USP6NL: variants seen among roughly 807,000 people sequenced by gnomAD.
USP6NL encodes USP6 N-terminal-like protein.
A neutral mutation model predicts 61.9 loss-of-function variants in USP6NL; 26 were observed. The observed-to-expected ratio is 0.42, with a 90% CI of 0.31 to 0.58. The LOEUF is 0.58. Among genes scored for constraint, USP6NL ranks in the 20% least tolerant of loss-of-function variants. The probability of loss-of-function intolerance (pLI) is 0.16; values close to 1 mark genes in which losing one functional copy is unlikely to be tolerated. For synonymous variants in USP6NL, 432 were observed against 390.1 expected (o/e 1.11, Z -1.27); for missense variants, 1,114 against 1,034.3 (o/e 1.08, Z -1.06).
intron 10 of USP6NL, among the ~76,000 whole-genome samples, chr10:11,488,654 CTAAG>C (rs1242270892): frequency 2.6e-5 from 4 of 152,120 alleles, no homozygotes; most frequent in Admixed American, 1.3e-4. Flanking sequence ...CTTTAAAAAC[CTAAG>C]TGTCATTTCT....
In USP6NL at chr10:11,585,505, AC is replaced by A. The variant is rs1347349583; in HGVS notation, c.4+12125del. Reference sequence around the variant, plus strand: ...GTGAAACCCCGTGTCTACTAAAAATACAAAAAATTAGCTGGGCGTGGTGGCG... The same window carrying A: ...GTGAAACCCCGTGTCTACTAAAAATAAAAAAATTAGCTGGGCGTGGTGGCG... On this transcript the variant is annotated intron_variant, in intron 2 of 14. Coordinates refer to ENST00000609104, the MANE Select transcript of USP6NL (RefSeq NM_014688.5). This position sits in a 1 kb window ranked among gnomAD's most constrained non-coding sequence, Gnocchi z 4.5. Among the ~76,000 whole-genome samples, 2 of 152,094 alleles carry A rather than the reference AC, an allele frequency of 1.3e-5. No individual in the cohort carries two copies. Among genetic ancestry groups the A allele is most frequent in the Non-Finnish European group, 2.9e-5 (2 of 68,026 alleles).
At chr10:11,579,879 C>CACAGACAATACACACATGAA (rs1837682425) in intron 2 of USP6NL, among the ~76,000 whole-genome samples, 1 of 149,790 alleles carries the variant, frequency 6.7e-6, no homozygotes, top group South Asian at 2.1e-4. Context: ...TTGTACAATA[C>CACAGACAATACACACATGAA]ACAGACAATA....
chr10:11,475,596 CAAAAAA>C (rs35589300), intron 14 of USP6NL, among the ~76,000 whole-genome samples: 19 of 38,708 alleles, frequency 4.9e-4, no homozygotes, highest in African/African-American at 1.6e-3. Flanking sequence ...AACTCTGTCG[CAAAAAA>C]AAAAAAAAAA....
In USP6NL at chr10:11,537,603, C is replaced by CT. The variant is rs971613419; in HGVS notation, c.5-10037dup. ...CACTGTATCATGCTTCAAATTAATA[C>CT]TTTTTTATTTTTTCATTAAATTTGC... On this transcript the variant is annotated intron_variant, in intron 2 of 14. Coordinates refer to ENST00000609104, the MANE Select transcript of USP6NL (RefSeq NM_014688.5). The surrounding 1 kb of genome is among the most constrained non-coding windows in gnomAD (Gnocchi z 5.1). 7.9e-5 allele frequency among the ~76,000 whole-genome samples: 12 copies of CT among 152,156 alleles called. No homozygotes were observed. Among genetic ancestry groups the CT allele is most frequent in the Non-Finnish European group, 1.8e-4 (12 of 68,026 alleles).
rs745357286 is a variant in USP6NL at position 11,463,543 on chromosome 10, C to G, written c.1385G>C (p.Arg462Thr). 5 of 1,614,060 alleles carry G rather than the reference C, an allele frequency of 3.1e-6. No individual in the cohort carries two copies. Among genetic ancestry groups the G allele is most frequent in the Non-Finnish European group, 4.2e-6 (5 of 1,179,898 alleles). Reference sequence around the variant, plus strand: ...GTTGGCAGCTGCGTGATTATATTGCCTGGAACTGTCCTGTGGACCCGATGG... The same window carrying G: ...GTTGGCAGCTGCGTGATTATATTGCGTGGAACTGTCCTGTGGACCCGATGG... Reference protein sequence around the residue: ...KLPSGPQDSSRQYNHAAANQN... With the variant: ...KLPSGPQDSSTQYNHAAANQN... Residue 462 changes from arginine to threonine, a missense_variant, in exon 15 of 15, where the codon AGG becomes ACG. Transcript: ENST00000609104. The surrounding 1 kb of genome is among the most constrained non-coding windows in gnomAD (Gnocchi z 6.3).
chr10:11,486,668 A>G (rs1323182996), intron 10 of USP6NL, among the ~76,000 whole-genome samples: 1 of 152,254 alleles, frequency 6.6e-6, no homozygotes, highest in East Asian at 1.9e-4. Flanking sequence ...TGCAACTCTG[A>G]AAGATGTTAA....
At chr10:11,522,034 C>T (rs1244298789) in intron 4 of USP6NL, among the ~76,000 whole-genome samples, 1 of 152,246 alleles carries the variant, frequency 6.6e-6, no homozygotes, top group Non-Finnish European at 1.5e-5. Context: ...TCATGGCACA[C>T]ACTGGGGAGA....
chr10:11,463,767 G>C lies in USP6NL; in HGVS notation c.1161C>G (p.Asn387Lys), dbSNP rs200104973. Reference sequence around the variant, plus strand: ...TCGGCCGGCCCACGCTCCTCTGTCCGTTGCTCAAGTGATGGACGCCCCAAG... The same window carrying C: ...TCGGCCGGCCCACGCTCCTCTGTCCCTTGCTCAAGTGATGGACGCCCCAAG... ...LQSWGVHHLSNGQRSVGRPSP... is the reference protein window; with the variant it reads ...LQSWGVHHLSKGQRSVGRPSP... Residue 387 changes from asparagine to lysine, a missense_variant, in exon 15 of 15, where the codon AAC becomes AAG. Coordinates refer to ENST00000609104, the MANE Select transcript of USP6NL (RefSeq NM_014688.5). The surrounding 1 kb of genome is among the most constrained non-coding windows in gnomAD (Gnocchi z 6.3). 1 of 1,555,014 alleles carries C rather than the reference G, an allele frequency of 6.4e-7. No homozygotes were observed. Among genetic ancestry groups the C allele is most frequent in the Non-Finnish European group, 8.7e-7 (1 of 1,150,392 alleles).
chr10:11,472,299 G>A (rs988903497), intron 14 of USP6NL, among the ~76,000 whole-genome samples: 12 of 152,176 alleles, frequency 7.9e-5, no homozygotes, highest in African/African-American at 2.9e-4. Context: ...CTTCAGGCTT[G>A]TCCCTGCTTG....
intron 1 of USP6NL, among the ~76,000 whole-genome samples, chr10:11,608,620 G>C (rs192055005): frequency 3.3e-5 from 5 of 152,100 alleles, no homozygotes; most frequent in Non-Finnish European, 7.4e-5. Context: ...TCAAAACCAA[G>C]TTAGGTTCCC....
chr10:11,603,793 C>A (rs560984724), intron 1 of USP6NL, among the ~76,000 whole-genome samples: 1 of 152,142 alleles, frequency 6.6e-6, no homozygotes, highest in Non-Finnish European at 1.5e-5. Context: ...GTGCTAAGGG[C>A]AACCAGAGTG....
Position 11,574,012 on chromosome 10 carries a change from A to G in USP6NL, c.4+23619T>C, listed in dbSNP as rs1837451710. On this transcript the variant is annotated intron_variant, in intron 2 of 14. Transcript: ENST00000609104. The surrounding 1 kb of genome is among the most constrained non-coding windows in gnomAD (Gnocchi z 4.3). The stretch of plus-strand genomic sequence containing the variant: ...TGTGGGTAATCTTCTGTAAATCACT[A>G]AGCAAAGTGAAAACATTTTCTCACA... Among the ~76,000 whole-genome samples the G allele has an allele frequency of 6.6e-6, 1 of 152,240 alleles. No individual in the cohort carries two copies.
At chr10:11,519,307 A>G (rs980475721) in intron 4 of USP6NL, among the ~76,000 whole-genome samples, 2 of 152,190 alleles carry the variant, frequency 1.3e-5, no homozygotes, top group Admixed American at 6.5e-5. Flanking sequence ...AGACTTGTGA[A>G]TTTAAAGAGA....
rs1264306172 is a variant in USP6NL, at chr10:11,481,249, T to C, written c.1078+521A>G. On this transcript the variant is annotated intron_variant, in intron 14 of 14. Coordinates refer to ENST00000609104, the MANE Select transcript of USP6NL (RefSeq NM_014688.5). The surrounding 1 kb of genome is among the most constrained non-coding windows in gnomAD (Gnocchi z 4.4). The stretch of plus-strand genomic sequence containing the variant: ...AAAATATATTATCTATACTGTAGCA[T>C]ACTACAAAGAGCCCTGGGCTAGTAG... Among the ~76,000 whole-genome samples, 1 of 152,232 alleles carries C rather than the reference T, an allele frequency of 6.6e-6. No individual in the cohort carries two copies. The highest frequency in any genetic ancestry group is 2.4e-5 in the African/African-American group (1 of 41,460).
In USP6NL at chr10:11,496,915, A is replaced by C. The variant is rs1833952273; in HGVS notation, c.385-3687T>G. On this transcript the variant is annotated intron_variant, in intron 7 of 14. Coordinates refer to ENST00000609104, the MANE Select transcript of USP6NL (RefSeq NM_014688.5). The surrounding 1 kb of genome is among the most constrained non-coding windows in gnomAD (Gnocchi z 5.4). The stretch of plus-strand genomic sequence containing the variant: ...GGCTTCTGCAGCTTTTTAAAACAGG[A>C]AGAACAGCCACAGTATGTTTCAGAA... Among the ~76,000 whole-genome samples the C allele has an allele frequency of 1.3e-5, 2 of 152,150 alleles. No homozygotes were observed.
chr10:11,498,235 CAAAAAAAAAAAAAA>C (rs11341542), intron 7 of USP6NL, among the ~76,000 whole-genome samples: 4 of 38,808 alleles, frequency 1.0e-4, no homozygotes, highest in Admixed American at 9.6e-4. Context: ...CACTCTGTCT[CAAAAAAAAAAAAAA>C]AAAAAAAAAA....
At chr10:11,471,985 T>A (rs546322341) in intron 14 of USP6NL, among the ~76,000 whole-genome samples, 1 of 150,946 alleles carries the variant, frequency 6.6e-6, no homozygotes, top group Admixed American at 6.6e-5. Flanking sequence ...AAAAAAGACT[T>A]ACTGCCCTAC....
chr10:11,578,109 CAG>C (rs962395480), intron 2 of USP6NL, among the ~76,000 whole-genome samples: 4 of 152,064 alleles, frequency 2.6e-5, no homozygotes, highest in African/African-American at 9.7e-5. Context: ...ACCAGCTACT[CAG>C]GGTGTGCCAC....
At position 11,476,894 on chromosome 10, in the gene USP6NL, C is replaced by T. The variant is rs1368214619; in HGVS notation, c.1078+4876G>A. Among the ~76,000 whole-genome samples, 4 of 152,028 alleles carry T rather than the reference C, an allele frequency of 2.6e-5. No homozygotes were observed. The highest frequency in any genetic ancestry group is 4.4e-5 in the Non-Finnish European group (3 of 68,008). On this transcript the variant is annotated intron_variant, in intron 14 of 14. Coordinates refer to ENST00000609104, the MANE Select transcript of USP6NL (RefSeq NM_014688.5). This position sits in a 1 kb window ranked among gnomAD's most constrained non-coding sequence, Gnocchi z 4.3. ...TTTTATTATTATTATTTTTTCAAGA[C>T]GGAGTCTTGCTCTGTCACCCAGGCT...
Sources: allele counts gnomAD v4.1 joint callset (sites outside exome capture counted in the v4.1 genomes callset), GRCh38; gene constraint gnomAD v4.1.1; non-coding constraint Gnocchi (gnomAD v3.1); transcripts MANE v1.5; gene names NCBI Gene and HGNC (gene_info 2026-07-23, HGNC 2026-07-21).